RABGAP1: variants seen among roughly 807,000 people sequenced by gnomAD.
The protein encoded by RABGAP1 is RAB GTPase activating protein 1, also known as rab GTPase-activating protein 1.
RABGAP1 carries 23 observed loss-of-function variants against 137.6 expected under a neutral mutation model. That is an observed-to-expected ratio of 0.17 (90% CI 0.12 to 0.24). The LOEUF (loss-of-function observed/expected upper bound fraction) is 0.24, where lower values mean the gene tolerates loss of function less well. Among genes scored for constraint, RABGAP1 ranks in the 10% least tolerant of loss-of-function variants. The pLI is 1.00. For synonymous variants in RABGAP1, 451 were observed against 450.7 expected (o/e 1.00, Z -0.01); for missense variants, 906 against 1,275.8 (o/e 0.71, Z 4.42).
In RABGAP1 at chr9:123,030,211, G is replaced by A. The variant is rs544548970; in HGVS notation, c.1794+9752G>A. On this transcript the variant is annotated intron_variant, in intron 13 of 25. Coordinates refer to ENST00000373647, the MANE Select transcript of RABGAP1 (RefSeq NM_012197.4). ...CTGACATTTTGGGAGTCCATTTTGA[G>A]TTAGATTGAGTACCAAAGACTGTCT... 2.0e-5 allele frequency among the ~76,000 whole-genome samples: 3 copies of A among 146,444 alleles called. No individual in the cohort carries two copies. In the South Asian group the frequency reaches 6.2e-4, roughly 30 times the overall value.
chr9:122,933,875 A>C, the RABGAP1 span, among the ~76,000 whole-genome samples: 12 of 152,056 alleles, frequency 7.9e-5, no homozygotes, highest in East Asian at 1.9e-4. Context: ...CGGCCTCCCA[A>C]AGTGCTGGGA....
intron 13 of RABGAP1, among the ~76,000 whole-genome samples, chr9:123,058,650 T>A (rs2033844695): frequency 6.6e-6 from 1 of 152,216 alleles, no homozygotes; most frequent in South Asian, 2.1e-4. Flanking sequence ...TCTCAGTATT[T>A]GTTTAGTGAA....
intron 1 of RABGAP1, among the ~76,000 whole-genome samples, chr9:122,951,316 T>A (rs1415571991): frequency 6.6e-6 from 1 of 152,148 alleles, no homozygotes; most frequent in Non-Finnish European, 1.5e-5. Flanking sequence ...TTGCCTCTGC[T>A]AATTGCACAT....
At chr9:122,945,371 A>G (rs930389606) in intron 1 of RABGAP1, 3 of 152,012 alleles carry the variant, frequency 2.0e-5, no homozygotes, top group Non-Finnish European at 2.9e-5. Context: ...TGAACACATT[A>G]GTTTATACAA....
At chr9:123,034,460 A>G (rs1449238478) in intron 13 of RABGAP1, 2 of 710,532 alleles carry the variant, frequency 2.8e-6, no homozygotes, top group Non-Finnish European at 4.9e-6. Context: ...CTCCTCTGGC[A>G]TTATTACACA....
Position 123,074,281 on chromosome 9 carries a change from T to C in RABGAP1, c.2110-4T>C, listed in dbSNP as rs1267510920. On this transcript the variant is annotated splice_polypyrimidine_tract_variant and splice_region_variant and intron_variant, in intron 16 of 25. Coordinates refer to ENST00000373647, the MANE Select transcript of RABGAP1 (RefSeq NM_012197.4). ...GCCCAGAACTAATTGGTTTGCTATT[T>C]CAGGAATACATTCCTGACCTGTACA... 1 of 1,613,484 alleles carries C rather than the reference T, an allele frequency of 6.2e-7. No individual in the cohort carries two copies. The highest frequency in any genetic ancestry group is 8.5e-7 in the Non-Finnish European group (1 of 1,179,722).
intron 6 of RABGAP1, 44 bp from the exon 7 acceptor site, chr9:122,995,997 C>G: frequency 6.5e-7 from 1 of 1,542,260 alleles, no homozygotes; most frequent in Non-Finnish European, 8.7e-7. Context: ...TAGTATGTGA[C>G]AAGAAAATGC....
intron 22 of RABGAP1, 52 bp from the exon 23 acceptor site, chr9:123,098,663 C>T: frequency 6.5e-7 from 1 of 1,542,366 alleles, no homozygotes; most frequent in Non-Finnish European, 8.9e-7. Context: ...GGTGGCAGAA[C>T]TTCCTTTATT....
At chr9:123,099,377 A>G in intron 23 of RABGAP1, 101 bp from the exon 24 acceptor site, 1 of 1,126,216 alleles carries the variant, frequency 8.9e-7, no homozygotes, top group Non-Finnish European at 1.3e-6. Context: ...GCTATTTGCT[A>G]CTATGTTAAT....
At chr9:123,026,884 T>A (rs1210363052) in intron 13 of RABGAP1, among the ~76,000 whole-genome samples, 1 of 152,208 alleles carries the variant, frequency 6.6e-6, no homozygotes, top group Admixed American at 6.5e-5. Context: ...GCAAACTACT[T>A]CTTCAGTAGA....
intron 1 of RABGAP1, among the ~76,000 whole-genome samples, chr9:122,946,684 T>TA (rs1475603230): frequency 6.6e-6 from 1 of 152,178 alleles, no homozygotes; most frequent in African/African-American, 2.4e-5. Context: ...GTTTCACAGA[T>TA]ATTGTGTTGA....
chr9:123,034,269 TCTCCCCAGAGTTTACCTTG>T, intron 13 of RABGAP1: 1 of 421,536 alleles, frequency 2.4e-6, no homozygotes, highest in Non-Finnish European at 4.2e-6. Context: ...CTGAAGACGT[TCTCCCCAGAGTTTACCTTG>T]CTCCCCTGGT....
intron 13 of RABGAP1, among the ~76,000 whole-genome samples, chr9:123,027,334 T>C (rs994456158): frequency 6.6e-6 from 1 of 152,210 alleles, no homozygotes; most frequent in Non-Finnish European, 1.5e-5. Context: ...CAGGATGGCC[T>C]CGATCTCTTG....
chr9:123,041,038 A>G (rs937322709), intron 13 of RABGAP1, among the ~76,000 whole-genome samples: 1 of 152,080 alleles, frequency 6.6e-6, no homozygotes, highest in African/African-American at 2.4e-5. Context: ...ATTTGACTTG[A>G]CTCAGCCATG....
chr9:123,063,652 G>A (rs2034063522), intron 13 of RABGAP1, among the ~76,000 whole-genome samples: 1 of 152,182 alleles, frequency 6.6e-6, no homozygotes, highest in Admixed American at 6.5e-5. Context: ...ATCTTTTCAA[G>A]TGCTTATTTG....
intron 6 of RABGAP1, among the ~76,000 whole-genome samples, chr9:122,991,454 CTG>C (rs1836715336): frequency 6.6e-6 from 1 of 152,198 alleles, no homozygotes; most frequent in Admixed American, 6.5e-5. Flanking sequence ...ATTAGAAAAA[CTG>C]ATAATTTTTA....
At chr9:123,048,160 A>G (rs1313086186) in intron 13 of RABGAP1, among the ~76,000 whole-genome samples, 1 of 151,994 alleles carries the variant, frequency 6.6e-6, no homozygotes. Flanking sequence ...GCTGGTCTCG[A>G]ACTCCTGACC....
At chr9:123,019,689 TG>T (rs934873598) in intron 12 of RABGAP1, among the ~76,000 whole-genome samples, 3 of 150,666 alleles carry the variant, frequency 2.0e-5, no homozygotes, top group African/African-American at 7.3e-5. Flanking sequence ...GCTCTTTTTT[TG>T]TTTGTTTGTT....
chr9:122,996,407 C>T (rs985604283), intron 7 of RABGAP1, 132 bp from the exon 8 acceptor site: 2 of 1,101,568 alleles, frequency 1.8e-6, no homozygotes, highest in Middle Eastern at 3.1e-4. Flanking sequence ...ATTATTTTAG[C>T]AACACAAATT....
Sources: gnomAD v4.1 joint callset for allele counts (sites outside exome capture counted in the v4.1 genomes callset) on GRCh38, gnomAD v4.1.1 for gene constraint, MANE v1.5 for transcripts, NCBI Gene and HGNC (gene_info 2026-07-23, HGNC 2026-07-21) for gene names.